The following SINHCAF variants were observed in gnomAD, a reference collection of about 807,000 sequenced individuals.
The protein encoded by SINHCAF is SIN3-HDAC complex associated factor.
Under a neutral mutation model 25.8 loss-of-function variants are expected in SINHCAF, and 3 were observed. That is an observed-to-expected ratio of 0.12 (90% CI 0.05 to 0.30). SINHCAF has a LOEUF of 0.30. SINHCAF is among the 10% of genes least tolerant of loss of function. SINHCAF has a pLI of 1.00. For missense variants in SINHCAF, 121 were observed against 262.3 expected, an observed-to-expected ratio of 0.46 and a Z score of 3.72; for synonymous variants, 70 against 85.5, an observed-to-expected ratio of 0.82 and a Z score of 1.00.
chr12:31,319,663 CTT>C lies in SINHCAF; in HGVS notation c.-21+6359_-21+6360del, dbSNP rs59985405. 6.1e-3 allele frequency among the ~76,000 whole-genome samples: 921 copies of C among 152,074 alleles called. 13 individuals carry two copies. The highest frequency in any genetic ancestry group is 0.021 in the African/African-American group (874 of 41,360). On this transcript the variant is annotated intron_variant, in intron 1 of 5. Transcript: ENST00000337682. ...ACTCACCAATCTTTCTTCTTTCTCT[CTT>C]TTTTTCCTCTTACATTTCAGGTATC... is the stretch of plus-strand genomic sequence containing the variant.
chr12:31,317,296 T>G (rs74084416), intron 1 of SINHCAF, among the ~76,000 whole-genome samples: 2,370 of 152,180 alleles, frequency 0.016, 62 homozygotes, highest in African/African-American at 0.052. Context: ...TAGCTTCTAA[T>G]TATCATTTTT....
rs1179741915 is a variant in SINHCAF at position 31,280,886 on chromosome 12, GGAT to G, written c.*1823_*1825del. On this transcript the variant is annotated 3_prime_UTR_variant, in exon 6 of 6. Transcript: ENST00000337682. ...AAAAATCATTTCAAATAACTCAGGA[GGAT>G]GATAATGGCTGGACTTTTGTAATTC... The G allele has an allele frequency of 2.0e-5, 3 of 152,228 alleles. No homozygotes were observed. The highest frequency in any genetic ancestry group is 2.9e-5 in the Non-Finnish European group (2 of 68,038). The allele number at this position is 152,228 out of a possible 1,614,324, so 9.4% of individuals were successfully genotyped here.
At chr12:31,293,991 G>A in intron 3 of SINHCAF, 60 bp from the exon 4 acceptor site, 1 of 1,413,496 alleles carries the variant, frequency 7.1e-7, no homozygotes, top group Non-Finnish European at 9.5e-7. Flanking sequence ...GTATCCCTTT[G>A]GTTCAGATCC....
At chr12:31,286,318 T>G (rs1018527823) in intron 5 of SINHCAF, among the ~76,000 whole-genome samples, 166 of 152,280 alleles carry the variant, frequency 1.1e-3, no homozygotes, top group African/African-American at 3.8e-3. Flanking sequence ...TGTTCAAATT[T>G]GTCAAACTCC....
In SINHCAF at chr12:31,324,321, C is replaced by T. The variant is rs184898907; in HGVS notation, c.-21+1703G>A. 9.1e-5 allele frequency: 15 copies of T among 165,662 alleles called. No homozygotes were observed. Among genetic ancestry groups the T allele is most frequent in the African/African-American group, 2.2e-4 (9 of 41,662 alleles). The allele number at this position is 165,662 out of a possible 1,614,324, so 10.3% of individuals were successfully genotyped here. ...AACCCACAGACCTCCCAGACACAGGCTCCCGGGCCACGAGAAACCGGCCGA... is the reference window on the plus strand; with the variant it reads ...AACCCACAGACCTCCCAGACACAGGTTCCCGGGCCACGAGAAACCGGCCGA... On this transcript the variant is annotated intron_variant, in intron 1 of 5. Transcript: ENST00000337682. The surrounding 1 kb of genome is among the most constrained non-coding windows in gnomAD (Gnocchi z 5.5).
intron 1 of SINHCAF, among the ~76,000 whole-genome samples, chr12:31,309,820 C>G (rs1281395709): frequency 1.3e-5 from 2 of 151,996 alleles, no homozygotes; most frequent in Non-Finnish European, 2.9e-5. Flanking sequence ...AATGCACCAC[C>G]ACGCTCGGCT....
In SINHCAF at chr12:31,325,181, A is replaced by G. The variant is rs1304636325; in HGVS notation, c.-21+843T>C. 7 of 456,722 alleles carry G rather than the reference A, an allele frequency of 1.5e-5. No individual in the cohort carries two copies. In the Admixed American group the frequency reaches 1.6e-4, roughly 11 times the overall value. 28.3% of individuals were successfully genotyped at this position (456,722 alleles called of 1,614,324 possible). A position where few individuals can be genotyped will look rare whatever the true frequency, so the allele number is the denominator to read the frequency against. On this transcript the variant is annotated intron_variant, in intron 1 of 5. Coordinates refer to ENST00000337682, the MANE Select transcript of SINHCAF (RefSeq NM_001135812.2). This position sits in a 1 kb window ranked among gnomAD's most constrained non-coding sequence, Gnocchi z 5.9. ...GCGCGGACGGCCGCCCATAAACGGG[A>G]AGCCCTCGCGGTGTCGCCCACACCT...
At chr12:31,308,149 C>T (rs1331719007) in intron 1 of SINHCAF, among the ~76,000 whole-genome samples, 1 of 152,162 alleles carries the variant, frequency 6.6e-6, no homozygotes, top group East Asian at 1.9e-4. Context: ...CCATGTTGCC[C>T]GTGCTGGTCT....
At chr12:31,285,414 TACATACACACAC>T (rs1226119814) in intron 5 of SINHCAF, among the ~76,000 whole-genome samples, 1 of 43,916 alleles carries the variant, frequency 2.3e-5, no homozygotes, top group African/African-American at 7.2e-5. Context: ...TTTATATATA[TACATACACACAC>T]ACACACACAC....
chr12:31,281,359 C>T lies in SINHCAF; in HGVS notation c.*1353G>A, dbSNP rs1253551777. The T allele has an allele frequency of 6.6e-6, 1 of 152,216 alleles. No individual in the cohort carries two copies. Among genetic ancestry groups the T allele is most frequent in the Non-Finnish European group, 1.5e-5 (1 of 68,034 alleles). The allele number at this position is 152,216 out of a possible 1,614,324, so 9.4% of individuals were successfully genotyped here. A position where few individuals can be genotyped will look rare whatever the true frequency, so the allele number is the denominator to read the frequency against. On this transcript the variant is annotated 3_prime_UTR_variant, in exon 6 of 6. Transcript: ENST00000337682. Reference sequence around the variant, plus strand: ...AAAACCATTTAATGTGAACACAAACCTCTTTTCTTTTAGTAAGTTTTACTT... The same window carrying T: ...AAAACCATTTAATGTGAACACAAACTTCTTTTCTTTTAGTAAGTTTTACTT...
chr12:31,321,168 G>A (rs1939679971), intron 1 of SINHCAF, among the ~76,000 whole-genome samples: 1 of 152,062 alleles, frequency 6.6e-6, no homozygotes, highest in African/African-American at 2.4e-5. Context: ...TAAAAAACTG[G>A]AGAAACAAAA....
chr12:31,301,439 C>T (rs979228517), intron 1 of SINHCAF, among the ~76,000 whole-genome samples: 1 of 152,144 alleles, frequency 6.6e-6, no homozygotes, highest in East Asian at 1.9e-4. Flanking sequence ...TAGGGCTTAC[C>T]CTCTCCTAGG....
chr12:31,324,627 G>A lies in SINHCAF; in HGVS notation c.-21+1397C>T, dbSNP rs1333962392. The A allele has an allele frequency of 1.2e-5, 3 of 259,066 alleles. No individual in the cohort carries two copies. Among genetic ancestry groups the A allele is most frequent in the Non-Finnish European group, 2.3e-5 (3 of 128,760 alleles). 16.0% of individuals were successfully genotyped at this position (259,066 alleles called of 1,614,324 possible). ...GCCCAGGCGGCGGCCCCGAGCGCCG[G>A]GGGCCCGCACGGGCACATGCAGCCC... On this transcript the variant is annotated intron_variant, in intron 1 of 5. Coordinates refer to ENST00000337682, the MANE Select transcript of SINHCAF (RefSeq NM_001135812.2). This position sits in a 1 kb window ranked among gnomAD's most constrained non-coding sequence, Gnocchi z 5.5.
chr12:31,325,100 T>C lies in SINHCAF; in HGVS notation c.-21+924A>G, dbSNP rs1341319838. 2.2e-6 allele frequency: 1 copy of C among 456,660 alleles called. No homozygotes were observed. Among genetic ancestry groups the C allele is most frequent in the Non-Finnish European group, 4.4e-6 (1 of 226,942 alleles). The allele number at this position is 456,660 out of a possible 1,614,324, so 28.3% of individuals were successfully genotyped here. On this transcript the variant is annotated intron_variant, in intron 1 of 5. Coordinates refer to ENST00000337682, the MANE Select transcript of SINHCAF (RefSeq NM_001135812.2). This position sits in a 1 kb window ranked among gnomAD's most constrained non-coding sequence, Gnocchi z 5.9. Reference sequence around the variant, plus strand: ...GCGGAGTTCACTGACTCCCGCGGCGTACACAACGCCGCCGCCTCCATCTCC... The same window carrying C: ...GCGGAGTTCACTGACTCCCGCGGCGCACACAACGCCGCCGCCTCCATCTCC...
chr12:31,320,201 G>A (rs558602460), intron 1 of SINHCAF, among the ~76,000 whole-genome samples: 2 of 152,294 alleles, frequency 1.3e-5, no homozygotes, highest in South Asian at 4.1e-4. Flanking sequence ...TCCTTGGCAA[G>A]GAATTCAAAG....
chr12:31,285,818 T>TA (rs906460258), intron 5 of SINHCAF, among the ~76,000 whole-genome samples: 11 of 151,740 alleles, frequency 7.2e-5, no homozygotes, highest in Admixed American at 7.2e-4. Flanking sequence ...TCTACTAAAA[T>TA]ACAAAAATTA....
At chr12:31,312,494 T>C (rs535206921) in intron 1 of SINHCAF, among the ~76,000 whole-genome samples, 13 of 152,346 alleles carry the variant, frequency 8.5e-5, no homozygotes, top group Admixed American at 5.9e-4. Flanking sequence ...CATACCATCA[T>C]TGTATGAAGG....
chr12:31,321,635 T>G (rs1050363044), intron 1 of SINHCAF, among the ~76,000 whole-genome samples: 5 of 152,198 alleles, frequency 3.3e-5, no homozygotes, highest in African/African-American at 1.2e-4. Flanking sequence ...TATAAGATGA[T>G]GACAGCTTTG....
intron 4 of SINHCAF, among the ~76,000 whole-genome samples, 179 bp downstream of exon 4, chr12:31,293,626 C>T (rs887656863): frequency 6.6e-5 from 10 of 152,150 alleles, no homozygotes; most frequent in African/African-American, 2.4e-4. Flanking sequence ...ACATCAAAAT[C>T]AGAAAAAGTG....
Sources: gnomAD v4.1 joint callset for allele counts (sites outside exome capture counted in the v4.1 genomes callset) on GRCh38, gnomAD v4.1.1 for gene constraint, Gnocchi (gnomAD v3.1) non-coding constraint, MANE v1.5 for transcripts, NCBI Gene and HGNC (gene_info 2026-07-23, HGNC 2026-07-21) for gene names.